The following DENND11 variants were observed in gnomAD, a reference collection of about 807,000 sequenced individuals.
The protein encoded by DENND11 is DENN domain containing 11, also known as DENN domain-containing protein 11.
DENND11 carries 34 observed loss-of-function variants against 49.2 expected under a neutral mutation model. The observed-to-expected ratio is 0.69, with a 90% CI of 0.53 to 0.92. The LOEUF (loss-of-function observed/expected upper bound fraction) is 0.92, where lower values mean the gene tolerates loss of function less well. DENND11 is among the 40% of genes least tolerant of loss of function. The pLI, the probability that DENND11 is intolerant of heterozygous loss-of-function variation, is 0.00. For missense variants in DENND11, 475 were observed against 581.6 expected, an observed-to-expected ratio of 0.82 and a Z score of 1.88; for synonymous variants, 238 against 230.3, an observed-to-expected ratio of 1.03 and a Z score of -0.30.
chr7:141,674,084 T>A lies in DENND11; in HGVS notation c.664A>T (p.Met222Leu). ...VYWLPSIHRY[M>L]YPEMKITHPA... ...AACCTCACCTTCATCTCAGGGTACA[T>A]GTATCGGTGGATGGAAGGCAGCCAG... The change falls in exon 4 of 9, where the codon ATG becomes TTG. Residue 222 changes from methionine to leucine, a missense_variant. Transcript: ENST00000536163. 2 of 1,605,330 alleles carry A rather than the reference T, an allele frequency of 1.2e-6. No homozygotes were observed. The highest frequency in any genetic ancestry group is 1.1e-5 in the South Asian group (1 of 88,862).
intron 5 of DENND11, among the ~76,000 whole-genome samples, chr7:141,665,756 G>A (rs1179433076): frequency 6.6e-6 from 1 of 151,940 alleles, no homozygotes; most frequent in Non-Finnish European, 1.5e-5. Context: ...TATGAGTGCA[G>A]AAATAATCTA....
Position 141,674,228 on chromosome 7 carries a change from AAAAC to A in DENND11, c.528-12_528-9del, listed in dbSNP as rs2117060925. 6.6e-7 allele frequency: 1 copy of A among 1,525,546 alleles called. No homozygotes were observed. The highest frequency in any genetic ancestry group is 1.2e-5 in the South Asian group (1 of 80,930). The allele number at this position is 1,525,546 out of a possible 1,614,324, so 94.5% of individuals were successfully genotyped here. The stretch of plus-strand genomic sequence containing the variant: ...GGCATCTCCAACTGGTGCCTGCAGA[AAAAC>A]ACACACACACACACACACACACACA... On this transcript the variant is annotated splice_polypyrimidine_tract_variant and intron_variant, in intron 3 of 8. Coordinates refer to ENST00000536163, the MANE Select transcript of DENND11 (RefSeq NM_001080392.2).
At position 141,661,232 on chromosome 7, in the gene DENND11, G is replaced by C. The variant is rs1797788232; in HGVS notation, c.*1424C>G. The C allele has an allele frequency of 6.6e-6, 1 of 152,200 alleles. No homozygotes were observed. Among genetic ancestry groups the C allele is most frequent in the African/African-American group, 2.4e-5 (1 of 41,438 alleles). 9.4% of individuals were successfully genotyped at this position (152,200 alleles called of 1,614,324 possible). ...CCGAGCCAGGCGGGAAGGGGGAAAAGGAAGACATTATTTGTCACCAACAAC... is the reference window on the plus strand; with the variant it reads ...CCGAGCCAGGCGGGAAGGGGGAAAACGAAGACATTATTTGTCACCAACAAC... On this transcript the variant is annotated 3_prime_UTR_variant, in exon 9 of 9. Transcript: ENST00000536163.
At chr7:141,672,936 G>C (rs925449611) in intron 4 of DENND11, among the ~76,000 whole-genome samples, 1 of 152,138 alleles carries the variant, frequency 6.6e-6, no homozygotes, top group African/African-American at 2.4e-5. Flanking sequence ...TAGGATTCAA[G>C]CTCCAGGGTC....
Position 141,665,228 on chromosome 7 carries a change from G to A in DENND11, c.911C>T (p.Ala304Val). Residue 304 changes from alanine to valine, a missense_variant, in exon 6 of 9, where the codon GCT becomes GTT. Coordinates refer to ENST00000536163, the MANE Select transcript of DENND11 (RefSeq NM_001080392.2). ...CTCTACCTCCAGGCTCTCGATGTCA[G>A]CCACGTTCACGTAGAAGAAAGGTTT... ...ESKPFFYVNV[A>V]DIESLEVEVS... 1 of 1,613,434 alleles carries A rather than the reference G, an allele frequency of 6.2e-7. No individual in the cohort carries two copies. Among genetic ancestry groups the A allele is most frequent in the Non-Finnish European group, 8.5e-7 (1 of 1,179,686 alleles).
At chr7:141,678,587 C>T (rs1008960176) in intron 3 of DENND11, among the ~76,000 whole-genome samples, 2 of 152,152 alleles carry the variant, frequency 1.3e-5, no homozygotes, top group African/African-American at 2.4e-5. Flanking sequence ...TATCTATACC[C>T]TATACCCTAC....
At chr7:141,665,075 G>A (rs1797871429) in intron 6 of DENND11, 21 bp from the exon 7 acceptor site, 1 of 1,612,856 alleles carries the variant, frequency 6.2e-7, no homozygotes, top group Non-Finnish European at 8.5e-7. Flanking sequence ...CGGGGTTAGA[G>A]AGGTGGGAAC....
chr7:141,664,785 C>T (rs779432855), intron 7 of DENND11, 119 bp downstream of exon 7: 5 of 1,163,654 alleles, frequency 4.3e-6, no homozygotes, highest in Non-Finnish European at 6.0e-6. Context: ...TCCCAGGCAG[C>T]ATGGAGACTG....
At position 141,657,855 on chromosome 7, in the gene DENND11, A is replaced by G. The variant is rs1373722535; in HGVS notation, c.*4801T>C. ...CCCCTAAATTCTAGTTCCAAAAACA[A>G]ATTAAAGTGCCAGTTATAACACTAC... is the stretch of plus-strand genomic sequence containing the variant. On this transcript the variant is annotated 3_prime_UTR_variant, in exon 9 of 9. Coordinates refer to ENST00000536163, the MANE Select transcript of DENND11 (RefSeq NM_001080392.2). 6.6e-6 allele frequency: 1 copy of G among 152,608 alleles called. No individual in the cohort carries two copies. 9.5% of individuals were successfully genotyped at this position (152,608 alleles called of 1,614,324 possible). A position where few individuals can be genotyped will look rare whatever the true frequency, so the allele number is the denominator to read the frequency against.
chr7:141,665,860 G>A (rs1331106663), intron 5 of DENND11, among the ~76,000 whole-genome samples: 1 of 151,726 alleles, frequency 6.6e-6, no homozygotes, highest in Non-Finnish European at 1.5e-5. Context: ...AGGTCTCAAG[G>A]CAGCACACCC....
At chr7:141,664,267 T>C in intron 7 of DENND11, 27 bp from the exon 8 acceptor site, 1 of 1,553,632 alleles carries the variant, frequency 6.4e-7, no homozygotes, top group Non-Finnish European at 8.8e-7. Flanking sequence ...CGTGAGACTC[T>C]GGTGCAGGTA....
chr7:141,688,049 G>T (rs186639660), intron 1 of DENND11, among the ~76,000 whole-genome samples: 13 of 152,254 alleles, frequency 8.5e-5, no homozygotes, highest in African/African-American at 3.1e-4. Flanking sequence ...CCAAAGTGTT[G>T]GGATTACAGG....
intron 1 of DENND11, among the ~76,000 whole-genome samples, chr7:141,699,235 G>A (rs955376560): frequency 1.3e-5 from 2 of 152,074 alleles, no homozygotes; most frequent in African/African-American, 4.8e-5. Context: ...GCAGTAAAGG[G>A]GGGAAGATGC....
chr7:141,686,766 A>C (rs571920762), intron 1 of DENND11, 108 bp from the exon 2 acceptor site: 14 of 720,426 alleles, frequency 1.9e-5, no homozygotes, highest in Non-Finnish European at 3.4e-5. Flanking sequence ...CTGCTGACTC[A>C]GCCTCAGACA....
intron 1 of DENND11, among the ~76,000 whole-genome samples, chr7:141,696,815 C>T (rs1798422366): frequency 6.6e-6 from 1 of 152,212 alleles, no homozygotes; most frequent in Non-Finnish European, 1.5e-5. Flanking sequence ...GGTTCAGACC[C>T]TAACATCAGA....
At chr7:141,678,357 T>C (rs1393515376) in intron 3 of DENND11, among the ~76,000 whole-genome samples, 1 of 152,228 alleles carries the variant, frequency 6.6e-6, no homozygotes, top group Non-Finnish European at 1.5e-5. Context: ...TAAAACGAAA[T>C]GTTAACAGTA....
At chr7:141,688,828 T>C (rs1199939220) in intron 1 of DENND11, among the ~76,000 whole-genome samples, 1 of 152,196 alleles carries the variant, frequency 6.6e-6, no homozygotes, top group Non-Finnish European at 1.5e-5. Context: ...TGCTGATGCA[T>C]GCCAGCAATA....
At chr7:141,686,910 G>T (rs78620131) in intron 1 of DENND11, among the ~76,000 whole-genome samples, 3,743 of 152,144 alleles carry the variant, frequency 0.025, 166 homozygotes, top group African/African-American at 0.085. Context: ...AGGATGCTGC[G>T]TTTGCTTCTG....
chr7:141,667,704 GCAC>G (rs1434095449), intron 4 of DENND11, among the ~76,000 whole-genome samples: 6 of 152,114 alleles, frequency 3.9e-5, no homozygotes. Flanking sequence ...GCCTTCAGAG[GCAC>G]CTATACCCGA....
Sources: allele counts gnomAD v4.1 joint callset (sites outside exome capture counted in the v4.1 genomes callset), GRCh38; gene constraint gnomAD v4.1.1; transcripts MANE v1.5; gene names NCBI Gene and HGNC (gene_info 2026-07-23, HGNC 2026-07-21).